Variants in LMX1A observed in about 807,000 individuals in gnomAD.
The protein encoded by LMX1A is LIM homeobox transcription factor 1 alpha, also known as LIM homeobox transcription factor 1-alpha.
LMX1A carries 15 observed loss-of-function variants against 49.1 expected under a neutral mutation model. That is an observed-to-expected ratio of 0.31 (90% CI 0.20 to 0.47). The LOEUF is 0.47. LMX1A is among the 20% of genes least tolerant of loss of function. The pLI is 1.00. For missense variants in LMX1A, 372 were observed against 475.8 expected, an observed-to-expected ratio of 0.78 and a Z score of 2.03; for synonymous variants, 167 against 185.7, an observed-to-expected ratio of 0.90 and a Z score of 0.82.
At chr1:165,249,708 G>T in intron 3 of LMX1A, 68 bp from the exon 4 acceptor site, 2 of 1,132,238 alleles carry the variant, frequency 1.8e-6, no homozygotes, top group Non-Finnish European at 2.6e-6. Context: ...GGTCTCCCCT[G>T]AAGTCAACAG....
intron 3 of LMX1A, among the ~76,000 whole-genome samples, chr1:165,316,988 A>G (rs561477222): frequency 6.0e-4 from 92 of 152,242 alleles, no homozygotes; most frequent in South Asian, 2.3e-3. Context: ...AAAAAAACCC[A>G]AAAGATAGGA....
intron 3 of LMX1A, among the ~76,000 whole-genome samples, chr1:165,347,740 G>A (rs1656293359): frequency 6.6e-6 from 1 of 152,058 alleles, no homozygotes; most frequent in African/African-American, 2.4e-5. Context: ...TGGTTATTTT[G>A]AACTTCATAA....
intron 3 of LMX1A, among the ~76,000 whole-genome samples, chr1:165,323,883 C>T (rs55931096): frequency 2.0e-5 from 3 of 152,266 alleles, no homozygotes; most frequent in East Asian, 3.9e-4. Flanking sequence ...CTTTTAGTTC[C>T]TCCCATAGGC....
At chr1:165,277,829 T>C (rs1433350888) in intron 3 of LMX1A, among the ~76,000 whole-genome samples, 1 of 152,206 alleles carries the variant, frequency 6.6e-6, no homozygotes. Flanking sequence ...TTCATTTTGC[T>C]GGGTCACATA....
intron 3 of LMX1A, among the ~76,000 whole-genome samples, chr1:165,335,751 T>G (rs1655877276): frequency 6.6e-6 from 1 of 152,204 alleles, no homozygotes; most frequent in Non-Finnish European, 1.5e-5. Context: ...CAAGGGCAAG[T>G]ATATTTTATC....
chr1:165,218,822 C>G (rs1040673971), intron 4 of LMX1A: 1 of 152,116 alleles, frequency 6.6e-6, no homozygotes, highest in African/African-American at 2.4e-5. Flanking sequence ...GAGACTCCCA[C>G]TCCCAGATGC....
chr1:165,319,580 A>T (rs1229717939), intron 3 of LMX1A, among the ~76,000 whole-genome samples: 1 of 152,186 alleles, frequency 6.6e-6, no homozygotes, highest in Non-Finnish European at 1.5e-5. Flanking sequence ...TAAACAAATT[A>T]TTCTATGACT....
intron 3 of LMX1A, among the ~76,000 whole-genome samples, chr1:165,326,979 A>C (rs1017057565): frequency 1.3e-5 from 2 of 152,184 alleles, no homozygotes; most frequent in African/African-American, 4.8e-5. Context: ...TATGGCTTAC[A>C]ATGGCAATAG....
intron 3 of LMX1A, among the ~76,000 whole-genome samples, chr1:165,288,613 G>A (rs1342702704): frequency 3.3e-5 from 5 of 152,196 alleles, no homozygotes; most frequent in African/African-American, 1.2e-4. Flanking sequence ...TACAGCTGAG[G>A]ACTGTGTTTT....
chr1:165,259,772 A>G (rs1206592216), intron 3 of LMX1A, among the ~76,000 whole-genome samples: 1 of 152,238 alleles, frequency 6.6e-6, no homozygotes. Context: ...CCATGGCCCA[A>G]TGAGAGATGA....
Position 165,277,295 on chromosome 1 carries a change from C to T in LMX1A, c.264-27655G>A, listed in dbSNP as rs532489749. The stretch of plus-strand genomic sequence containing the variant: ...AGGCTCTGTGGGTGGCATGTCCACT[C>T]GATGAAGTTGTCTTGGCATCGGCCC... On this transcript the variant is annotated intron_variant, in intron 3 of 8. Coordinates refer to ENST00000342310, the MANE Select transcript of LMX1A (RefSeq NM_177398.4). Among the ~76,000 whole-genome samples the T allele has an allele frequency of 1.5e-3, 228 of 152,230 alleles. 1 individual carries two copies. The highest frequency in any genetic ancestry group is 5.3e-3 in the African/African-American group (219 of 41,554).
chr1:165,295,886 T>A (rs1654601505), intron 3 of LMX1A, among the ~76,000 whole-genome samples: 1 of 152,106 alleles, frequency 6.6e-6, no homozygotes, highest in African/African-American at 2.4e-5. Flanking sequence ...CATATGGGCC[T>A]GGAATCTGCA....
At chr1:165,251,282 C>T (rs879756704) in intron 3 of LMX1A, among the ~76,000 whole-genome samples, 4 of 152,192 alleles carry the variant, frequency 2.6e-5, no homozygotes, top group Non-Finnish European at 5.9e-5. Context: ...GAGGTTTCAC[C>T]ATGTTGGTTA....
At chr1:165,340,552 C>T (rs186684545) in intron 3 of LMX1A, among the ~76,000 whole-genome samples, 34 of 152,300 alleles carry the variant, frequency 2.2e-4, no homozygotes, top group African/African-American at 7.7e-4. Context: ...TCTGGTGTTC[C>T]CCCACAGAGT....
chr1:165,275,044 T>C (rs537013330), intron 3 of LMX1A, among the ~76,000 whole-genome samples: 73 of 152,308 alleles, frequency 4.8e-4, no homozygotes, highest in African/African-American at 1.7e-3. Context: ...TGGTCTTATT[T>C]TAATTTTTAA....
At chr1:165,219,486 C>T (rs1651761801) in intron 4 of LMX1A, among the ~76,000 whole-genome samples, 1 of 152,088 alleles carries the variant, frequency 6.6e-6, no homozygotes, top group Non-Finnish European at 1.5e-5. Context: ...TTTATGAAGA[C>T]AGGATATATA....
chr1:165,339,953 C>T (rs767138015), intron 3 of LMX1A, among the ~76,000 whole-genome samples: 8 of 152,168 alleles, frequency 5.3e-5, no homozygotes, highest in Non-Finnish European at 8.8e-5. Flanking sequence ...CTATCTCTAC[C>T]CCAAGTGGTA....
At chr1:165,258,902 C>G (rs1401565936) in intron 3 of LMX1A, among the ~76,000 whole-genome samples, 1 of 152,192 alleles carries the variant, frequency 6.6e-6, no homozygotes, top group African/African-American at 2.4e-5. Context: ...TACAAACTCT[C>G]TTGGAGCCTC....
chr1:165,213,431 T>C (rs1299497900), intron 5 of LMX1A, among the ~76,000 whole-genome samples: 1 of 152,252 alleles, frequency 6.6e-6, no homozygotes, highest in Non-Finnish European at 1.5e-5. Flanking sequence ...TTGGTGTGCA[T>C]GCATGAAAGC....
Sources: allele counts gnomAD v4.1 joint callset (sites outside exome capture counted in the v4.1 genomes callset), GRCh38; gene constraint gnomAD v4.1.1; transcripts MANE v1.5; gene names NCBI Gene and HGNC (gene_info 2026-07-23, HGNC 2026-07-21).